The following MFAP5 variants were observed in gnomAD, a reference collection of about 807,000 sequenced individuals.
MFAP5 encodes microfibrillar-associated protein 5.
In MFAP5, 19 loss-of-function variants were observed where a neutral mutation model predicts 30.1. That is an observed-to-expected ratio of 0.63 (90% CI 0.44 to 0.93). The LOEUF (loss-of-function observed/expected upper bound fraction) is 0.93. MFAP5 is among the 40% of genes least tolerant of loss of function. The probability of loss-of-function intolerance (pLI) is 0.00; values close to 1 mark genes in which losing one functional copy is unlikely to be tolerated. For missense variants in MFAP5, 210 were observed against 221.3 expected (o/e 0.95, Z 0.32); for synonymous variants, 92 against 72.9 (o/e 1.26, Z -1.33).
At position 8,656,625 on chromosome 12, in the gene MFAP5, T is replaced by TACACACACACACACACAC. The variant is rs1223209541; in HGVS notation, c.95-813_95-796dup. On this transcript the variant is annotated intron_variant, in intron 3 of 9. Coordinates refer to ENST00000359478, the MANE Select transcript of MFAP5 (RefSeq NM_003480.4). ...ACACACACACATATATATACACACA[T>TACACACACACACACACAC]ACACACACACACACACACACACACA... 1.5e-3 allele frequency among the ~76,000 whole-genome samples: 176 copies of TACACACACACACACACAC among 121,138 alleles called. 1 individual carries two copies. Among genetic ancestry groups the TACACACACACACACACAC allele is most frequent in the African/African-American group, 6.3e-3 (170 of 27,174 alleles). The allele number at this position is 121,138 out of a possible 152,430, so 79.5% of individuals were successfully genotyped here. A position where few individuals can be genotyped will look rare whatever the true frequency, so the allele number is the denominator to read the frequency against.
At chr12:8,650,704 A>T in intron 7 of MFAP5, 115 bp from the exon 8 acceptor site, 1 of 823,376 alleles carries the variant, frequency 1.2e-6, no homozygotes, top group Non-Finnish European at 2.0e-6. Context: ...AGTAATCTCT[A>T]CAGAGAATCA....
At chr12:8,658,213 G>C (rs2136477982) in intron 3 of MFAP5, among the ~76,000 whole-genome samples, 1 of 152,150 alleles carries the variant, frequency 6.6e-6, no homozygotes, top group East Asian at 1.9e-4. Flanking sequence ...GCTGGGCATG[G>C]GTGGTGCATG....
At chr12:8,655,978 A>G in intron 3 of MFAP5, 148 bp from the exon 4 acceptor site, 1 of 672,304 alleles carries the variant, frequency 1.5e-6, no homozygotes, top group Non-Finnish European at 2.6e-6. Context: ...ATAATGACAA[A>G]CGATTGATGA....
intron 6 of MFAP5, 104 bp downstream of exon 6, chr12:8,654,332 TC>T: frequency 1.8e-6 from 2 of 1,133,368 alleles, no homozygotes; most frequent in South Asian, 2.9e-5. Flanking sequence ...TAAACTGTCA[TC>T]CTGTCTTTTT....
chr12:8,650,711 A>G (rs1238069167), intron 7 of MFAP5, 122 bp from the exon 8 acceptor site: 3 of 788,920 alleles, frequency 3.8e-6, no homozygotes, highest in Non-Finnish European at 6.2e-6. Flanking sequence ...TCTACAGAGA[A>G]TCATTATAAA....
rs373421193 is a variant in MFAP5 at position 8,649,566 on chromosome 12, C to T, written c.344G>A (p.Arg115His). The change falls in exon 9 of 10, where the codon CGT (arginine) becomes CAT (histidine). Residue 115 changes from arginine (R) to histidine (H), a missense_variant. Arg to His is a conservative substitution (Grantham distance 29). Coordinates refer to ENST00000359478, the MANE Select transcript of MFAP5 (RefSeq NM_003480.4). ...IHQLCFTSLR[R>H]MYIVNKEICS... ...GATCTCCTTGTTGACGATGTACATA[C>T]GTCGTAAACTGCAGACGTCCCAGTG... The T allele has an allele frequency of 1.6e-5, 26 of 1,613,712 alleles. No homozygotes were observed. Among genetic ancestry groups the T allele is most frequent in the South Asian group, 4.4e-5 (4 of 91,082 alleles).
intron 6 of MFAP5, among the ~76,000 whole-genome samples, chr12:8,653,192 CAAAAAAAA>C (rs71451973): frequency 9.0e-6 from 1 of 110,980 alleles, no homozygotes; most frequent in Non-Finnish European, 1.9e-5. Context: ...GACTCTGTGT[CAAAAAAAA>C]AAAAAAAGAA....
rs985284136 is a variant in MFAP5 at position 8,662,696 on chromosome 12, T to C, written c.-72A>G. On this transcript the variant is annotated 5_prime_UTR_variant, in exon 1 of 10. Transcript: ENST00000359478. Reference sequence around the variant, plus strand: ...AATGTGTCTCTCTCCTCTTACGCTGTTCCTACTTTGGCTGGCGAATAAGAT... The same window carrying C: ...AATGTGTCTCTCTCCTCTTACGCTGCTCCTACTTTGGCTGGCGAATAAGAT... 6 of 152,652 alleles carry C rather than the reference T, an allele frequency of 3.9e-5. No homozygotes were observed. The highest frequency in any genetic ancestry group is 1.4e-4 in the African/African-American group (6 of 41,406). The allele number at this position is 152,652 out of a possible 1,614,324, so 9.5% of individuals were successfully genotyped here.
intron 3 of MFAP5, among the ~76,000 whole-genome samples, chr12:8,658,992 C>CTTT (rs71045203): frequency 4.9e-4 from 61 of 123,708 alleles, no homozygotes; most frequent in African/African-American, 1.3e-3. Context: ...CCACACCTGG[C>CTTT]TTTTTTTTTT....
chr12:8,650,378 G>A, intron 8 of MFAP5, 124 bp downstream of exon 8: 1 of 798,100 alleles, frequency 1.3e-6, no homozygotes, highest in Non-Finnish European at 2.1e-6. Flanking sequence ...ATAACTAGGA[G>A]GGTTGTGCTA....
At chr12:8,655,518 G>T in intron 4 of MFAP5, 71 bp from the exon 5 acceptor site, 1 of 1,480,402 alleles carries the variant, frequency 6.8e-7, no homozygotes, top group Non-Finnish European at 9.3e-7. Flanking sequence ...AGGATAAGGG[G>T]ACGATGATCT....
At chr12:8,658,220 C>G (rs903248078) in intron 3 of MFAP5, among the ~76,000 whole-genome samples, 4 of 152,026 alleles carry the variant, frequency 2.6e-5, no homozygotes, top group African/African-American at 9.7e-5. Flanking sequence ...ATGGGTGGTG[C>G]ATGCCTGTAG....
Position 8,647,548 on chromosome 12 carries a change from T to C in MFAP5, c.*543A>G, listed in dbSNP as rs1167731571. On this transcript the variant is annotated 3_prime_UTR_variant, in exon 10 of 10. Transcript: ENST00000359478. The stretch of plus-strand genomic sequence containing the variant: ...CAGAATCTTACAGGACTACAAAACT[T>C]ACCATGATGTGTCTTATAAGGAAGA... 5 of 152,270 alleles carry C rather than the reference T, an allele frequency of 3.3e-5. No individual in the cohort carries two copies. Among genetic ancestry groups the C allele is most frequent in the Admixed American group, 3.3e-4 (5 of 15,280 alleles). 9.4% of individuals were successfully genotyped at this position (152,270 alleles called of 1,614,324 possible). A position where few individuals can be genotyped will look rare whatever the true frequency, so the allele number is the denominator to read the frequency against.
intron 3 of MFAP5, among the ~76,000 whole-genome samples, chr12:8,659,262 C>T (rs1942083397): frequency 6.6e-6 from 1 of 151,184 alleles, no homozygotes; most frequent in South Asian, 2.1e-4. Context: ...GAGCCGAGAT[C>T]GCGCAATTGT....
Position 8,662,612 on chromosome 12 carries a change from A to G in MFAP5, c.-3+15T>C, listed in dbSNP as rs1224654329. The G allele has an allele frequency of 2.5e-5, 4 of 157,954 alleles. No individual in the cohort carries two copies. Among genetic ancestry groups the G allele is most frequent in the Admixed American group, 1.2e-4 (2 of 16,622 alleles). 9.8% of individuals were successfully genotyped at this position (157,954 alleles called of 1,614,324 possible). ...CCTCTGTCTCTTTAGGGTTTCAGGTAATCAAATAACTCACTGTCTATGGTG... is the reference window on the plus strand; with the variant it reads ...CCTCTGTCTCTTTAGGGTTTCAGGTGATCAAATAACTCACTGTCTATGGTG... On this transcript the variant is annotated intron_variant, in intron 1 of 9. Coordinates refer to ENST00000359478, the MANE Select transcript of MFAP5 (RefSeq NM_003480.4).
chr12:8,657,615 G>A (rs1236768238), intron 3 of MFAP5, among the ~76,000 whole-genome samples: 1 of 145,944 alleles, frequency 6.9e-6, no homozygotes. Context: ...TATCGCCCAG[G>A]CTGGAGTGCA....
At chr12:8,657,757 A>G (rs578148841) in intron 3 of MFAP5, among the ~76,000 whole-genome samples, 38 of 151,634 alleles carry the variant, frequency 2.5e-4, no homozygotes, top group Non-Finnish European at 4.3e-4. Context: ...TTTTTAGTAG[A>G]GACAGGGTTT....
intron 2 of MFAP5, 121 bp downstream of exon 2, chr12:8,661,926 G>A (rs187839263): frequency 3.0e-5 from 29 of 964,990 alleles, no homozygotes; most frequent in East Asian, 2.2e-4. Flanking sequence ...AGGAATTCCA[G>A]AGCTCAATAC....
At position 8,655,417 on chromosome 12, in the gene MFAP5, G is replaced by GTT; in HGVS notation, c.168_169dup (p.Thr57LysfsTer80). The GTT allele has an allele frequency of 6.2e-7, 1 of 1,601,158 alleles. No individual in the cohort carries two copies. Among genetic ancestry groups the GTT allele is most frequent in the Non-Finnish European group, 8.5e-7 (1 of 1,174,736 alleles). On this transcript the variant is annotated frameshift_variant, in exon 5 of 10. Transcript: ENST00000359478. LOFTEE classifies it high-confidence loss of function. ...TTTTTAACTGCGGTAAAATTTACCT[G>GTT]TTTCATCTGTAGCGGGATCATTCAC...
Sources: allele counts gnomAD v4.1 joint callset (sites outside exome capture counted in the v4.1 genomes callset), GRCh38; gene constraint gnomAD v4.1.1; transcripts MANE v1.5; gene names NCBI Gene and HGNC (gene_info 2026-07-23, HGNC 2026-07-21).